The following NEMF variants were observed in gnomAD, a reference collection of about 807,000 sequenced individuals.
The protein encoded by NEMF is nuclear export mediator factor, also known as ribosome quality control complex subunit NEMF.
A neutral mutation model predicts 162.2 loss-of-function variants in NEMF; 89 were observed. The observed-to-expected ratio is 0.55, with a 90% CI of 0.46 to 0.65. The LOEUF (loss-of-function observed/expected upper bound fraction) is 0.65, where lower values mean the gene tolerates loss of function less well. Ranked by LOEUF, NEMF falls within the 30% of genes least tolerant of loss-of-function variation. NEMF has a pLI of 0.00. For synonymous variants in NEMF, 421 were observed against 404.5 expected (o/e 1.04, Z -0.49); for missense variants, 1,133 against 1,261.9 (o/e 0.90, Z 1.55).
intron 7 of NEMF, chr14:49,834,078 G>T: frequency 2.0e-6 from 1 of 508,714 alleles, no homozygotes. Flanking sequence ...TTTTTTGAGA[G>T]TGGTGATACT....
In NEMF at chr14:49,852,777, G is replaced by A. The variant is rs766676228; in HGVS notation, c.-24C>T. The A allele has an allele frequency of 4.3e-6, 7 of 1,613,746 alleles. No individual in the cohort carries two copies. Among genetic ancestry groups the A allele is most frequent in the South Asian group, 1.1e-5 (1 of 91,074 alleles). ...ATGGCGAGGCCCGAGGGTCACTACCGCAAGTTCCTCTACTGCCCGGCCGGA... is the reference window on the plus strand; with the variant it reads ...ATGGCGAGGCCCGAGGGTCACTACCACAAGTTCCTCTACTGCCCGGCCGGA... On this transcript the variant is annotated 5_prime_UTR_variant, in exon 1 of 33. Coordinates refer to ENST00000298310, the MANE Select transcript of NEMF (RefSeq NM_004713.6).
rs1470457261 is a variant in NEMF, at chr14:49,785,481, A to C, written c.2929-161T>G. 1.0e-5 allele frequency: 6 copies of C among 598,184 alleles called. No homozygotes were observed. In the East Asian group the frequency reaches 1.7e-4, roughly 17 times the overall value. 37.1% of individuals were successfully genotyped at this position (598,184 alleles called of 1,614,324 possible). A position where few individuals can be genotyped will look rare whatever the true frequency, so the allele number is the denominator to read the frequency against. On this transcript the variant is annotated intron_variant, in intron 29 of 32. Transcript: ENST00000298310. ...ACTTAAACTCTGCTTCATAGTTCCA[A>C]AGAGTTGAAGACCAATGTTTAAATA...
Position 49,800,407 on chromosome 14 carries a change from A to C in NEMF, c.2372+13T>G, listed in dbSNP as rs1307984798. ...CTTACACAATAATATGTAAAATTTT[A>C]TTTTTTAATTACCTTTGGGGTTGAA... On this transcript the variant is annotated intron_variant, in intron 23 of 32. Coordinates refer to ENST00000298310, the MANE Select transcript of NEMF (RefSeq NM_004713.6). 1 of 1,564,912 alleles carries C rather than the reference A, an allele frequency of 6.4e-7. No individual in the cohort carries two copies. Among genetic ancestry groups the C allele is most frequent in the Non-Finnish European group, 8.7e-7 (1 of 1,154,102 alleles).
At chr14:49,850,797 G>A (rs1285324966) in intron 3 of NEMF, among the ~76,000 whole-genome samples, 1 of 152,074 alleles carries the variant, frequency 6.6e-6, no homozygotes, top group Non-Finnish European at 1.5e-5. Context: ...AAAAAAGGTG[G>A]GGCAGGGAGG....
At chr14:49,802,423 C>A in intron 22 of NEMF, 30 bp downstream of exon 22, 1 of 1,605,530 alleles carries the variant, frequency 6.2e-7, no homozygotes, top group Non-Finnish European at 8.5e-7. Flanking sequence ...AAAAACATCA[C>A]AAGCTAATTT....
chr14:49,832,106 A>G lies in NEMF; in HGVS notation c.827T>C (p.Phe276Ser). ...DILTYEEFHPFLFSQHSQCPY... is the reference protein window; with the variant it reads ...DILTYEEFHPSLFSQHSQCPY... ...ACATTGTGAATGTTGAGAAAACAAG[A>G]AAGGATGAAATTCCTCATACCTGTA... is the stretch of plus-strand genomic sequence containing the variant. Residue 276 changes from phenylalanine (F) to serine (S), a missense_variant, in exon 10 of 33, where the codon TTC (phenylalanine) becomes TCC (serine). Coordinates refer to ENST00000298310, the MANE Select transcript of NEMF (RefSeq NM_004713.6). 1 of 1,605,674 alleles carries G rather than the reference A, an allele frequency of 6.2e-7. No homozygotes were observed. The highest frequency in any genetic ancestry group is 1.3e-5 in the African/African-American group (1 of 74,586).
intron 26 of NEMF, among the ~76,000 whole-genome samples, chr14:49,792,697 A>G (rs1427365094): frequency 6.6e-6 from 1 of 152,224 alleles, no homozygotes; most frequent in African/African-American, 2.4e-5. Context: ...ATAATACAAT[A>G]GTCTGGGCAT....
intron 19 of NEMF, among the ~76,000 whole-genome samples, chr14:49,805,261 C>A (rs1272996344): frequency 6.6e-6 from 1 of 152,092 alleles, no homozygotes; most frequent in Non-Finnish European, 1.5e-5. Context: ...TCCTACTGTA[C>A]AGCTTTAGGA....
intron 14 of NEMF, 24 bp from the exon 15 acceptor site, chr14:49,828,378 A>T (rs775309230): frequency 7.1e-7 from 1 of 1,408,650 alleles, no homozygotes; most frequent in Non-Finnish European, 9.9e-7. Context: ...TTTCTCTTAA[A>T]TTTTAAGTAT....
chr14:49,817,344 G>A (rs1037916598), intron 16 of NEMF, among the ~76,000 whole-genome samples: 1 of 152,204 alleles, frequency 6.6e-6, no homozygotes, highest in African/African-American at 2.4e-5. Context: ...TCAGAGGGCT[G>A]AGGCAGAATT....
At chr14:49,794,863 C>G (rs1396692461) in intron 26 of NEMF, among the ~76,000 whole-genome samples, 5 of 151,892 alleles carry the variant, frequency 3.3e-5, no homozygotes. Context: ...GGACTATAGG[C>G]ATGTACCACC....
At chr14:49,793,990 C>T (rs144384659) in intron 26 of NEMF, among the ~76,000 whole-genome samples, 24 of 152,156 alleles carry the variant, frequency 1.6e-4, no homozygotes, top group Non-Finnish European at 3.1e-4. Flanking sequence ...CACTGTGGTA[C>T]CGTTTTCACA....
chr14:49,794,527 G>C (rs915874650), intron 26 of NEMF, among the ~76,000 whole-genome samples: 1 of 150,834 alleles, frequency 6.6e-6, no homozygotes, highest in Non-Finnish European at 1.5e-5. Context: ...AGGAATGCGT[G>C]AGCCCAGGAG....
chr14:49,794,597 C>G (rs1890599717), intron 26 of NEMF, among the ~76,000 whole-genome samples: 1 of 123,144 alleles, frequency 8.1e-6, no homozygotes, highest in Admixed American at 9.6e-5. Flanking sequence ...CCAGCCTGGG[C>G]AACAGAGCAA....
chr14:49,806,570 A>G (rs968816809), intron 18 of NEMF, among the ~76,000 whole-genome samples: 1 of 151,714 alleles, frequency 6.6e-6, no homozygotes, highest in Admixed American at 6.6e-5. Flanking sequence ...GGTCAATCAC[A>G]TATCTTAAAT....
intron 29 of NEMF, 63 bp from the exon 30 acceptor site, chr14:49,785,383 ACACTT>A: frequency 9.4e-7 from 1 of 1,062,332 alleles, no homozygotes; most frequent in Non-Finnish European, 1.5e-6. Context: ...AAATGCTAAA[ACACTT>A]GAATTAGTAT....
At chr14:49,786,463 T>A in intron 29 of NEMF, 1 of 490,104 alleles carries the variant, frequency 2.0e-6, no homozygotes, top group African/African-American at 1.9e-5. Context: ...TTTACATACA[T>A]TAGTTATCAA....
intron 3 of NEMF, among the ~76,000 whole-genome samples, chr14:49,846,733 G>A (rs1893522609): frequency 6.6e-6 from 1 of 152,102 alleles, no homozygotes; most frequent in Non-Finnish European, 1.5e-5. Flanking sequence ...CCAAAGTGCT[G>A]GGATTACAAG....
chr14:49,796,319 G>A (rs896313010), intron 25 of NEMF: 21 of 460,008 alleles, frequency 4.6e-5, no homozygotes, highest in Middle Eastern at 6.4e-4. Flanking sequence ...TCTGTTGACC[G>A]GTTGGTTGAC....
Sources: gnomAD v4.1 joint callset for allele counts (sites outside exome capture counted in the v4.1 genomes callset) on GRCh38, gnomAD v4.1.1 for gene constraint, MANE v1.5 for transcripts, NCBI Gene and HGNC (gene_info 2026-07-23, HGNC 2026-07-21) for gene names.